Variants in CTBP2 observed in about 807,000 individuals in gnomAD.
CTBP2 encodes C-terminal binding protein 2.
In CTBP2, 30 loss-of-function variants were observed where a neutral mutation model predicts 80.3. The observed-to-expected ratio is 0.37, with a 90% CI of 0.28 to 0.51. CTBP2 has a LOEUF of 0.51. Ranked by LOEUF, CTBP2 falls within the 20% of genes least tolerant of loss-of-function variation. The probability of loss-of-function intolerance (pLI) is 0.93; values close to 1 mark genes in which losing one functional copy is unlikely to be tolerated. For synonymous variants in CTBP2, 594 were observed against 587.4 expected, an observed-to-expected ratio of 1.01 and a Z score of -0.16; for missense variants, 1,212 against 1,375.3, an observed-to-expected ratio of 0.88 and a Z score of 1.88.
intron 1 of CTBP2, among the ~76,000 whole-genome samples, chr10:125,016,608 T>A (rs570954835): frequency 2.6e-5 from 4 of 152,208 alleles, no homozygotes; most frequent in Non-Finnish European, 4.4e-5. Flanking sequence ...TGCAGCACAC[T>A]CTCGTTTTTC....
chr10:125,006,155 G>A (rs527461577), intron 1 of CTBP2: 8 of 434,792 alleles, frequency 1.8e-5, no homozygotes, highest in East Asian at 1.6e-4. Context: ...CCTGATGGCC[G>A]GGCACGCAGA....
At chr10:125,094,423 G>A (rs1013738261) in intron 2 of CTBP2, among the ~76,000 whole-genome samples, 8 of 152,190 alleles carry the variant, frequency 5.3e-5, no homozygotes, top group African/African-American at 1.7e-4. Flanking sequence ...GGACGCAATC[G>A]CTAGAACACA....
chr10:125,021,441 G>A (rs1393487183), intron 1 of CTBP2, among the ~76,000 whole-genome samples: 4 of 152,134 alleles, frequency 2.6e-5, no homozygotes, highest in East Asian at 1.9e-4. Context: ...TCTACGGCAC[G>A]TCCAGGAGCC....
At chr10:125,128,394 A>G (rs987641891) in intron 1 of CTBP2, among the ~76,000 whole-genome samples, 51 of 152,200 alleles carry the variant, frequency 3.4e-4, no homozygotes, top group African/African-American at 1.2e-3. Flanking sequence ...AAGAGGAAGC[A>G]GGGGAAGGGA....
intron 8 of CTBP2, among the ~76,000 whole-genome samples, chr10:124,990,565 A>G (rs1952473591): frequency 6.6e-6 from 1 of 152,210 alleles, no homozygotes; most frequent in African/African-American, 2.4e-5. Flanking sequence ...CTTTGTACAA[A>G]ATGGACTCCC....
chr10:125,148,684 G>GGA (rs1859260383), intron 1 of CTBP2, among the ~76,000 whole-genome samples: 1 of 152,144 alleles, frequency 6.6e-6, no homozygotes, highest in African/African-American at 2.4e-5. Flanking sequence ...ATTTACCACA[G>GGA]GAGTGTCTTC....
At chr10:125,148,335 T>C (rs1381979948) in intron 1 of CTBP2, among the ~76,000 whole-genome samples, 2 of 152,180 alleles carry the variant, frequency 1.3e-5, no homozygotes, top group Non-Finnish European at 2.9e-5. Context: ...ACCACCAGGT[T>C]GCAAAACTCC....
chr10:125,006,025 C>A, intron 1 of CTBP2: 1 of 1,416,864 alleles, frequency 7.1e-7, no homozygotes, highest in Non-Finnish European at 9.2e-7. Flanking sequence ...AGATGTCCAT[C>A]CGCAGCATCA....
chr10:125,058,419 A>C (rs990000079), intron 2 of CTBP2, among the ~76,000 whole-genome samples: 1 of 152,166 alleles, frequency 6.6e-6, no homozygotes, highest in Non-Finnish European at 1.5e-5. Context: ...TGCCTTTTCC[A>C]AGCTAACCGC....
At chr10:125,032,788 G>A (rs115700299), upstream of CTBP2, 795 of 154,920 alleles carry the variant, frequency 5.1e-3, 7 homozygotes, top group African/African-American at 0.018. Flanking sequence ...GGGGAAAAAC[G>A]ACAGAGACAT....
chr10:125,096,564 G>A (rs1289060013), intron 2 of CTBP2, among the ~76,000 whole-genome samples: 1 of 152,128 alleles, frequency 6.6e-6, no homozygotes, highest in African/African-American at 2.4e-5. Flanking sequence ...GGAGAATGCA[G>A]GTTATAGCAC....
intron 1 of CTBP2, among the ~76,000 whole-genome samples, chr10:125,150,498 T>C (rs1859631933): frequency 6.6e-6 from 1 of 152,044 alleles, no homozygotes; most frequent in Admixed American, 6.5e-5. Flanking sequence ...TCCCCAGACA[T>C]TCCCGTGTCC....
At chr10:124,991,084 C>G (rs941060820) in intron 8 of CTBP2, among the ~76,000 whole-genome samples, 2 of 152,240 alleles carry the variant, frequency 1.3e-5, no homozygotes, top group African/African-American at 4.8e-5. Context: ...CCTCGGAACG[C>G]CCAGGCTCGG....
At chr10:125,146,336 A>G (rs1467436451) in intron 1 of CTBP2, among the ~76,000 whole-genome samples, 2 of 151,420 alleles carry the variant, frequency 1.3e-5, no homozygotes, top group South Asian at 2.1e-4. Flanking sequence ...GCTGGAGTGC[A>G]ATGGCACGAT....
intron 1 of CTBP2, among the ~76,000 whole-genome samples, chr10:125,131,762 A>G (rs764398437): frequency 3.3e-5 from 5 of 152,220 alleles, no homozygotes; most frequent in African/African-American, 7.2e-5. Context: ...ATCCTCCCCT[A>G]GCACCTAGGC....
intron 1 of CTBP2, among the ~76,000 whole-genome samples, chr10:125,135,959 C>T (rs1035449376): frequency 6.6e-6 from 1 of 152,218 alleles, no homozygotes; most frequent in Non-Finnish European, 1.5e-5. Context: ...TCCCTTCCGG[C>T]CCACGAGCAG....
chr10:125,008,321 A>G (rs1955490316), intron 1 of CTBP2, among the ~76,000 whole-genome samples: 1 of 152,188 alleles, frequency 6.6e-6, no homozygotes. Flanking sequence ...TCAAGACACC[A>G]GTGCCTGAGT....
At chr10:125,054,800 C>A (rs780061204) in intron 2 of CTBP2, among the ~76,000 whole-genome samples, 1 of 152,146 alleles carries the variant, frequency 6.6e-6, no homozygotes, top group Non-Finnish European at 1.5e-5. Context: ...AAAAAACAAG[C>A]GAAACCCTCT....
Position 124,985,192 on chromosome 10 carries a change from C to G in CTBP2, c.*4326G>C. 2.1e-6 allele frequency: 1 copy of G among 485,334 alleles called. No individual in the cohort carries two copies. 30.1% of individuals were successfully genotyped at this position (485,334 alleles called of 1,614,324 possible). ...GAGGAGACAGAGAACTTTAGTTGGACTACAGTTTGTAAAAAAAACTAATTT... is the reference window on the plus strand; with the variant it reads ...GAGGAGACAGAGAACTTTAGTTGGAGTACAGTTTGTAAAAAAAACTAATTT... On this transcript the variant is annotated 3_prime_UTR_variant, in exon 9 of 9. Transcript: ENST00000309035.
Sources: gnomAD v4.1 joint callset for allele counts (sites outside exome capture counted in the v4.1 genomes callset) on GRCh38, gnomAD v4.1.1 for gene constraint, MANE v1.5 for transcripts, NCBI Gene and HGNC (gene_info 2026-07-23, HGNC 2026-07-21) for gene names.